The following MYO9A variants were observed in gnomAD, a reference collection of about 807,000 sequenced individuals.
MYO9A encodes the protein unconventional myosin-IXa.
In MYO9A, 103 loss-of-function variants were observed where a neutral mutation model predicts 293.3. The observed-to-expected ratio is 0.35, with a 90% CI of 0.30 to 0.41. MYO9A has a LOEUF of 0.41. MYO9A is among the 10% of genes least tolerant of loss of function. The pLI is 1.00. For missense variants in MYO9A, 2,685 were observed against 3,033.0 expected, an observed-to-expected ratio of 0.89 and a Z score of 2.69; for synonymous variants, 1,001 against 1,035.7, an observed-to-expected ratio of 0.97 and a Z score of 0.64.
rs2057246373 is a variant in MYO9A at position 71,893,793 on chromosome 15, A to T, written c.5043-15T>A. 5 of 1,595,830 alleles carry T rather than the reference A, an allele frequency of 3.1e-6. No homozygotes were observed. The Middle Eastern group carries it at 5.0e-4, about 159-fold the overall frequency. On this transcript the variant is annotated splice_polypyrimidine_tract_variant and intron_variant, in intron 25 of 41. Transcript: ENST00000356056. ...CTTTGCTGACACTTTAAATAAAACAATGAAATTACATTTCAGTTCTTAGCA... is the reference window on the plus strand; with the variant it reads ...CTTTGCTGACACTTTAAATAAAACATTGAAATTACATTTCAGTTCTTAGCA...
intron 1 of MYO9A, among the ~76,000 whole-genome samples, chr15:72,061,569 G>A (rs2078879440): frequency 6.6e-6 from 1 of 151,876 alleles, no homozygotes; most frequent in African/African-American, 2.4e-5. Context: ...CACAGGCCTG[G>A]GGAGGTGGTA....
chr15:72,057,963 A>G (rs1167814552), intron 1 of MYO9A, among the ~76,000 whole-genome samples: 1 of 152,142 alleles, frequency 6.6e-6, no homozygotes, highest in African/African-American at 2.4e-5. Flanking sequence ...TCAGTGCAAT[A>G]CCCTTTGAGG....
intron 38 of MYO9A, 62 bp downstream of exon 38, chr15:71,849,974 T>G: frequency 1.7e-6 from 2 of 1,207,290 alleles, no homozygotes; most frequent in Non-Finnish European, 2.3e-6. Flanking sequence ...GATATCTGGA[T>G]ACAGTGACTA....
chr15:72,093,003 A>G (rs1436798249), intron 1 of MYO9A, among the ~76,000 whole-genome samples: 1 of 152,102 alleles, frequency 6.6e-6, no homozygotes, highest in African/African-American at 2.4e-5. Context: ...GGCCATAAAC[A>G]TTTAGAAAAT....
intron 11 of MYO9A, among the ~76,000 whole-genome samples, chr15:71,985,067 G>A (rs542341115): frequency 6.6e-6 from 1 of 152,228 alleles, no homozygotes; most frequent in Non-Finnish European, 1.5e-5. Context: ...TTACAGGCAT[G>A]TGCCACCAAG....
At chr15:71,982,005 ATTTTTTTTTTTT>A (rs750930471) in intron 11 of MYO9A, among the ~76,000 whole-genome samples, 1 of 56,308 alleles carries the variant, frequency 1.8e-5, no homozygotes, top group East Asian at 6.2e-4. Context: ...CCTATTTAGA[ATTTTTTTTTTTT>A]TTTTTTTTTT....
At chr15:72,092,839 G>A (rs936929174) in intron 1 of MYO9A, among the ~76,000 whole-genome samples, 1 of 151,488 alleles carries the variant, frequency 6.6e-6, no homozygotes, top group African/African-American at 2.4e-5. Context: ...AAACAAAACA[G>A]GTGGCACAAG....
intron 1 of MYO9A, among the ~76,000 whole-genome samples, chr15:72,064,474 A>G (rs2078963296): frequency 6.6e-6 from 1 of 152,216 alleles, no homozygotes; most frequent in African/African-American, 2.4e-5. Flanking sequence ...TAAAGTTTTA[A>G]AAAGCATAGA....
intron 39 of MYO9A, among the ~76,000 whole-genome samples, chr15:71,844,557 T>G (rs1475164791): frequency 6.6e-6 from 1 of 152,144 alleles, no homozygotes; most frequent in African/African-American, 2.4e-5. Context: ...AGGGAATCAG[T>G]TGAAACTCAC....
In MYO9A at chr15:71,949,204, GTGTT is replaced by G. The variant is rs1055147609; in HGVS notation, c.2302+2569_2302+2572del. Among the ~76,000 whole-genome samples, 12 of 151,864 alleles carry G rather than the reference GTGTT, an allele frequency of 7.9e-5. No homozygotes were observed. In the South Asian group the frequency reaches 8.3e-4, roughly 10 times the overall value. On this transcript the variant is annotated intron_variant, in intron 15 of 41. Coordinates refer to ENST00000356056, the MANE Select transcript of MYO9A (RefSeq NM_006901.4). The stretch of plus-strand genomic sequence containing the variant: ...CTGATCTTCCTGGATCTGTAAGCTA[GTGTT>G]TGTTTGTTTGTTTTGAGACAGTCTT...
intron 27 of MYO9A, among the ~76,000 whole-genome samples, chr15:71,886,122 G>A (rs555019726): frequency 6.8e-6 from 1 of 147,986 alleles, no homozygotes; most frequent in African/African-American, 2.5e-5. Context: ...TGTTAATTTT[G>A]GTTTCTTCAA....
At chr15:71,922,401 A>G (rs1360370538) in intron 18 of MYO9A, among the ~76,000 whole-genome samples, 2 of 152,230 alleles carry the variant, frequency 1.3e-5, no homozygotes, top group Non-Finnish European at 2.9e-5. Flanking sequence ...ACATGTATAC[A>G]TTGAGTAGTG....
chr15:71,903,964 G>A lies in MYO9A; in HGVS notation c.2842C>T (p.Arg948Cys), dbSNP rs766900248. The change falls in exon 21 of 42, where the codon CGC becomes TGC. Residue 948 changes from arginine to cysteine, a missense_variant. By Grantham distance (180) the Arg-to-Cys change is radical. This residue lies in a region of MYO9A where 1,434 missense variants were observed against 1,497.7 expected (regional missense o/e 0.96). Coordinates refer to ENST00000356056, the MANE Select transcript of MYO9A (RefSeq NM_006901.4). ...YTGMLETVRI[R>C]QSGYSSKYSF... ...TATTTGGAGCTGTATCCTGATTGGC[G>A]AATTCGAACTGTTTCCAGCATCCCG... is the stretch of plus-strand genomic sequence containing the variant. The A allele has an allele frequency of 1.2e-5, 20 of 1,613,886 alleles. No homozygotes were observed. Among genetic ancestry groups the A allele is most frequent in the Admixed American group, 1.7e-5 (1 of 59,978 alleles).
chr15:72,082,526 C>T (rs971056989), intron 1 of MYO9A, among the ~76,000 whole-genome samples: 2 of 152,020 alleles, frequency 1.3e-5, no homozygotes, highest in African/African-American at 4.8e-5. Context: ...TATTTAAATG[C>T]CCTTTATTTC....
At chr15:71,933,278 T>C (rs2058531288) in intron 18 of MYO9A, among the ~76,000 whole-genome samples, 1 of 152,130 alleles carries the variant, frequency 6.6e-6, no homozygotes, top group Non-Finnish European at 1.5e-5. Context: ...TAGAAAAACC[T>C]GGCAAACATT....
intron 14 of MYO9A, among the ~76,000 whole-genome samples, chr15:71,957,114 T>C (rs1213112095): frequency 2.0e-5 from 3 of 152,156 alleles, no homozygotes; most frequent in Admixed American, 6.5e-5. Flanking sequence ...AGGAGCAGAA[T>C]TGGTGGGTCA....
chr15:71,899,870 T>C lies in MYO9A; in HGVS notation c.3287A>G (p.Glu1096Gly), dbSNP rs1181183711. 1 of 1,614,112 alleles carries C rather than the reference T, an allele frequency of 6.2e-7. No individual in the cohort carries two copies. The highest frequency in any genetic ancestry group is 8.5e-7 in the Non-Finnish European group (1 of 1,180,024). The change falls in exon 24 of 42, where the codon GAG becomes GGG. Residue 1096 changes from glutamate to glycine, a missense_variant. This residue lies in a region of MYO9A where 1,434 missense variants were observed against 1,497.7 expected (regional missense o/e 0.96). Transcript: ENST00000356056. ...RAHLERQRYLELRAAAIVIQQ... is the reference protein window; with the variant it reads ...RAHLERQRYLGLRAAAIVIQQ... ...GATAACGATGGCTGCAGCCCGTAACTCCAAGTACCGCTGCCTCTCTAAGTG... is the reference window on the plus strand; with the variant it reads ...GATAACGATGGCTGCAGCCCGTAACCCCAAGTACCGCTGCCTCTCTAAGTG...
At chr15:71,900,095 T>C in intron 23 of MYO9A, 89 bp from the exon 24 acceptor site, 1 of 1,292,832 alleles carries the variant, frequency 7.7e-7, no homozygotes. Flanking sequence ...TCTTATGTCA[T>C]AATTACAGGT....
At chr15:71,906,994 C>T (rs1210630436) in intron 19 of MYO9A, among the ~76,000 whole-genome samples, 2 of 147,850 alleles carry the variant, frequency 1.4e-5, no homozygotes, top group African/African-American at 2.5e-5. Context: ...GCACAATGTG[C>T]AGGTTAGTTA....
Sources: gnomAD v4.1 joint callset for allele counts (sites outside exome capture counted in the v4.1 genomes callset) on GRCh38, gnomAD v4.1.1 for gene constraint, gnomAD v4.1.1 regional missense constraint, MANE v1.5 for transcripts, NCBI Gene and HGNC (gene_info 2026-07-23, HGNC 2026-07-21) for gene names.